RBFOX1: variants seen among roughly 807,000 people sequenced by gnomAD.
The protein encoded by RBFOX1 is RNA binding protein fox-1 homolog 1.
In RBFOX1, 8 loss-of-function variants were observed where a neutral mutation model predicts 57.7. That is an observed-to-expected ratio of 0.14 (90% confidence interval 0.08 to 0.25). RBFOX1 has a LOEUF of 0.25. Among genes scored for constraint, RBFOX1 ranks in the 10% least tolerant of loss-of-function variants. The probability of loss-of-function intolerance (pLI) is 1.00; values close to 1 mark genes in which losing one functional copy is unlikely to be tolerated. For missense variants in RBFOX1, 611 were observed against 548.5 expected (o/e 1.11, Z -1.14); for synonymous variants, 326 against 222.4 (o/e 1.47, Z -4.15).
chr16:5,730,469 A>G (rs1171101929), intron 3 of RBFOX1, among the ~76,000 whole-genome samples: 1 of 152,200 alleles, frequency 6.6e-6, no homozygotes, highest in Non-Finnish European at 1.5e-5. Flanking sequence ...GGAGCTGTTA[A>G]TCTATGATCC....
intron 3 of RBFOX1, among the ~76,000 whole-genome samples, chr16:6,836,145 G>C (rs904970885): frequency 5.9e-5 from 9 of 152,164 alleles, no homozygotes; most frequent in African/African-American, 2.2e-4. Context: ...TATTTCATGG[G>C]TGAACCATTA....
intron 3 of RBFOX1, among the ~76,000 whole-genome samples, chr16:7,024,405 C>T (rs2040262259): frequency 6.6e-6 from 1 of 152,086 alleles, no homozygotes; most frequent in Non-Finnish European, 1.5e-5. Context: ...GCAGTTTTAG[C>T]AATTATTTTT....
intron 1 of RBFOX1, among the ~76,000 whole-genome samples, chr16:6,119,589 A>G (rs2096533196): frequency 6.6e-6 from 1 of 152,076 alleles, no homozygotes; most frequent in Admixed American, 6.5e-5. Context: ...AGCATTTTTC[A>G]TTCTCCTCCA....
At chr16:7,460,487 C>G (rs1276954648) in intron 4 of RBFOX1, among the ~76,000 whole-genome samples, 1 of 136,440 alleles carries the variant, frequency 7.3e-6, no homozygotes, top group Admixed American at 7.6e-5. Flanking sequence ...ATTATGTATG[C>G]CTTATATATA....
intron 2 of RBFOX1, among the ~76,000 whole-genome samples, chr16:6,427,566 T>G (rs1359268535): frequency 8.1e-6 from 1 of 122,734 alleles, no homozygotes; most frequent in East Asian, 2.5e-4. Flanking sequence ...CCCAATGGTG[T>G]TGAATTCTCC....
intron 3 of RBFOX1, among the ~76,000 whole-genome samples, chr16:7,049,401 C>G (rs2049160870): frequency 6.6e-6 from 1 of 152,062 alleles, no homozygotes; most frequent in South Asian, 2.1e-4. Context: ...GAACACTACC[C>G]TGAGATTGCC....
At chr16:6,023,815 G>A (rs1166552932) in intron 1 of RBFOX1, among the ~76,000 whole-genome samples, 4 of 152,082 alleles carry the variant, frequency 2.6e-5, no homozygotes, top group East Asian at 3.9e-4. Flanking sequence ...ACACCGAGGC[G>A]ACGTTTTTAA....
Position 6,808,071 on chromosome 16 carries a change from A to AT in RBFOX1, c.-16+153422dup, listed in dbSNP as rs2087359583. On this transcript the variant is annotated intron_variant, in intron 3 of 15. Transcript: ENST00000550418. ...ACTATCCTATACAATAGAACTATATATATATAATCATACTCAATAGAACTA... is the reference window on the plus strand; with the variant it reads ...ACTATCCTATACAATAGAACTATATATTATATAATCATACTCAATAGAACTA... Among the ~76,000 whole-genome samples the AT allele has an allele frequency of 4.0e-5, 6 of 150,778 alleles. No homozygotes were observed. In the South Asian group the frequency reaches 1.3e-3, roughly 32 times the overall value.
intron 1 of RBFOX1, among the ~76,000 whole-genome samples, chr16:6,193,794 C>T (rs956318379): frequency 1.3e-5 from 2 of 152,066 alleles, no homozygotes; most frequent in Non-Finnish European, 2.9e-5. Flanking sequence ...TTTGTCACTG[C>T]ACATCCCTCC....
intron 2 of RBFOX1, among the ~76,000 whole-genome samples, chr16:6,530,310 A>G (rs17140526): frequency 0.32 from 49,068 of 151,966 alleles, 8,347 homozygotes; most frequent in East Asian, 0.44. Flanking sequence ...TTGGCATGGT[A>G]AGCATGAGTG....
chr16:6,908,729 A>T (rs1228150577), intron 3 of RBFOX1, among the ~76,000 whole-genome samples: 1 of 152,102 alleles, frequency 6.6e-6, no homozygotes, highest in African/African-American at 2.4e-5. Flanking sequence ...CCTTGTCCTC[A>T]ATCCTTGTTC....
intron 4 of RBFOX1, among the ~76,000 whole-genome samples, chr16:5,982,797 C>G (rs1418080992): frequency 2.0e-5 from 3 of 152,186 alleles, no homozygotes; most frequent in African/African-American, 7.2e-5. Flanking sequence ...TCCCATTTCT[C>G]TCTACTAGAA....
chr16:6,757,855 C>T (rs1406807853), intron 3 of RBFOX1, among the ~76,000 whole-genome samples: 2 of 152,262 alleles, frequency 1.3e-5, no homozygotes, highest in South Asian at 2.1e-4. Context: ...CCCCAATTAC[C>T]CTGATCATAA....
intron 4 of RBFOX1, among the ~76,000 whole-genome samples, chr16:7,416,856 T>C (rs2098482930): frequency 6.6e-6 from 1 of 152,096 alleles, no homozygotes; most frequent in African/African-American, 2.4e-5. Context: ...GTAACACATA[T>C]TATCTCATTC....
At chr16:5,610,395 C>A (rs915988809) in intron 3 of RBFOX1, 22 of 152,332 alleles carry the variant, frequency 1.4e-4, no homozygotes, top group African/African-American at 5.3e-4. Context: ...CAAGTTGATG[C>A]CTCGTGAGGC....
chr16:7,113,399 A>G (rs973639161), intron 4 of RBFOX1, among the ~76,000 whole-genome samples: 2 of 152,284 alleles, frequency 1.3e-5, no homozygotes, highest in Middle Eastern at 6.8e-3. Flanking sequence ...AAAAGATAAA[A>G]AGTTTCCCTT....
At chr16:6,102,597 G>C (rs555668139) in intron 1 of RBFOX1, among the ~76,000 whole-genome samples, 2 of 151,872 alleles carry the variant, frequency 1.3e-5, no homozygotes, top group Non-Finnish European at 2.9e-5. Flanking sequence ...CTCACGCCAC[G>C]TCTTCCCTCT....
At chr16:6,054,783 A>T (rs370403332) in intron 1 of RBFOX1, among the ~76,000 whole-genome samples, 104 of 152,004 alleles carry the variant, frequency 6.8e-4, no homozygotes, top group Middle Eastern at 3.4e-3. Flanking sequence ...TACTTTTTTT[A>T]TTATTATTAT....
intron 1 of RBFOX1, among the ~76,000 whole-genome samples, chr16:6,256,157 A>ATG (rs1491213807): frequency 5.8e-5 from 2 of 34,372 alleles, no homozygotes; most frequent in African/African-American, 1.0e-4. Flanking sequence ...ATATATATAT[A>ATG]TGTATATATA....
Sources: gnomAD v4.1 joint callset for allele counts (sites outside exome capture counted in the v4.1 genomes callset) on GRCh38, gnomAD v4.1.1 for gene constraint, MANE v1.5 for transcripts, NCBI Gene and HGNC (gene_info 2026-07-23, HGNC 2026-07-21) for gene names.